SOX5: variants seen among roughly 807,000 people sequenced by gnomAD.
SOX5 encodes the protein transcription factor SOX-5.
In SOX5, 9 loss-of-function variants were observed where a neutral mutation model predicts 92.0. The ratio of observed to expected loss-of-function variants is 0.10; its 90% CI spans 0.06 to 0.17. SOX5 has a LOEUF of 0.17. SOX5 is among the 10% of genes least tolerant of loss of function. The pLI is 1.00. For missense variants in SOX5, 642 were observed against 944.5 expected (o/e 0.68, Z 4.20); for synonymous variants, 344 against 336.3 (o/e 1.02, Z -0.25).
At chr12:23,882,113 G>A (rs143233492) in intron 2 of SOX5, among the ~76,000 whole-genome samples, 1,833 of 152,190 alleles carry the variant, frequency 0.012, 113 homozygotes, top group Admixed American at 0.096. Flanking sequence ...AGTTTGAGAC[G>A]CAACATGTCA....
intron 8 of SOX5, among the ~76,000 whole-genome samples, chr12:23,605,913 T>G (rs1424361587): frequency 3.3e-5 from 5 of 152,054 alleles, no homozygotes; most frequent in African/African-American, 1.2e-4. Context: ...ATTTTTATAT[T>G]AATAATTGTC....
intron 11 of SOX5, among the ~76,000 whole-genome samples, chr12:23,546,748 C>G (rs987845419): frequency 2.0e-5 from 3 of 152,104 alleles, no homozygotes; most frequent in African/African-American, 7.2e-5. Context: ...ACCTGTTTTA[C>G]ATTTGGAATG....
intron 1 of SOX5, among the ~76,000 whole-genome samples, chr12:24,391,678 T>A (rs1959009975): frequency 6.6e-6 from 1 of 152,180 alleles, no homozygotes; most frequent in African/African-American, 2.4e-5. Flanking sequence ...GATGGCTCTA[T>A]TAAAAGAAGT....
intron 3 of SOX5, among the ~76,000 whole-genome samples, chr12:23,796,250 A>T (rs1410390638): frequency 6.6e-6 from 1 of 152,148 alleles, no homozygotes; most frequent in East Asian, 1.9e-4. Context: ...ATTGCAATGT[A>T]ACATTGAACA....
At chr12:24,487,921 T>C (rs7970266) in intron 1 of SOX5, among the ~76,000 whole-genome samples, 94,734 of 151,916 alleles carry the variant, frequency 0.62, 30,402 homozygotes, top group East Asian at 0.98. Context: ...TCAGTACGTT[T>C]CAAACCCAAG....
At position 24,383,377 on chromosome 12, in the gene SOX5, T is replaced by G. The variant is rs963423769; in HGVS notation, c.-250-14738A>C. On this transcript the variant is annotated intron_variant, in intron 1 of 4. Coordinates refer to the SOX5 transcript ENST00000446891. ...AAATCATAAGGAACTAAATTCACTGTCCACATATGTAGTTACATGGGTCCT... is the reference window on the plus strand; with the variant it reads ...AAATCATAAGGAACTAAATTCACTGGCCACATATGTAGTTACATGGGTCCT... 4.6e-5 allele frequency among the ~76,000 whole-genome samples: 7 copies of G among 152,240 alleles called. No individual in the cohort carries two copies. The East Asian group carries it at 1.2e-3, about 25-fold the overall frequency.
At chr12:23,646,892 C>A (rs1419892210) in intron 7 of SOX5, among the ~76,000 whole-genome samples, 1 of 152,050 alleles carries the variant, frequency 6.6e-6, no homozygotes, top group African/African-American at 2.4e-5. Flanking sequence ...CAAAGTCATC[C>A]AAGGGGGGTA....
At chr12:24,268,195 C>G (rs572289049) in intron 3 of SOX5, among the ~76,000 whole-genome samples, 9 of 152,062 alleles carry the variant, frequency 5.9e-5, no homozygotes, top group African/African-American at 2.2e-4. Flanking sequence ...CTTGAAACAC[C>G]CAGAAAATAA....
rs11831629 is a variant in SOX5 at position 23,755,751 on chromosome 12, A to G, written c.482-27T>C. 7,822 of 1,417,760 alleles carry G rather than the reference A, an allele frequency of 5.5e-3. 273 individuals carry two copies. In the African/African-American group the frequency reaches 0.092, roughly 17 times the overall value. 87.8% of individuals were successfully genotyped at this position (1,417,760 alleles called of 1,614,324 possible). On this transcript the variant is annotated intron_variant, in intron 3 of 14. Transcript: ENST00000451604. ...TAAGTAAAGAAAAAAAGAAGTGAGC[A>G]AATCAACATGACTCTCCTTACAATG...
At chr12:24,111,860 TTTAGG>T (rs1354046954) in intron 4 of SOX5, among the ~76,000 whole-genome samples, 51 of 152,320 alleles carry the variant, frequency 3.3e-4, no homozygotes, top group Non-Finnish European at 1.5e-5. Flanking sequence ...CTTTAATTAT[TTTAGG>T]TTAATTTATT....
intron 1 of SOX5, among the ~76,000 whole-genome samples, chr12:23,927,990 T>TTAC (rs1485516482): frequency 6.6e-6 from 1 of 152,012 alleles, no homozygotes; most frequent in Non-Finnish European, 1.5e-5. Flanking sequence ...CACTCTCCAG[T>TTAC]AGTAAGAGCA....
intron 1 of SOX5, among the ~76,000 whole-genome samples, chr12:24,417,508 C>T (rs1000304180): frequency 6.6e-6 from 1 of 152,076 alleles, no homozygotes; most frequent in Non-Finnish European, 1.5e-5. Flanking sequence ...AGGGTCTCTA[C>T]CTTAAAAAAG....
intron 4 of SOX5, among the ~76,000 whole-genome samples, chr12:24,199,257 G>C (rs1297878774): frequency 6.6e-6 from 1 of 152,160 alleles, no homozygotes; most frequent in Admixed American, 6.5e-5. Flanking sequence ...AGATAGGTGA[G>C]GGCTGGAAAG....
intron 3 of SOX5, among the ~76,000 whole-genome samples, chr12:24,263,802 T>C (rs528647848): frequency 1.7e-4 from 26 of 152,278 alleles, no homozygotes; most frequent in Non-Finnish European, 3.1e-4. Flanking sequence ...AGGGGTACTG[T>C]TTCAAACTGG....
chr12:24,128,085 AG>A (rs1468159546), intron 4 of SOX5, among the ~76,000 whole-genome samples: 1 of 152,104 alleles, frequency 6.6e-6, no homozygotes, highest in Non-Finnish European at 1.5e-5. Flanking sequence ...ACTTCACTGG[AG>A]GGTTTATTGT....
chr12:24,107,236 AGTATCTTTGG>A (rs1456044593), intron 4 of SOX5, among the ~76,000 whole-genome samples: 6 of 152,134 alleles, frequency 3.9e-5, no homozygotes, highest in Non-Finnish European at 8.8e-5. Context: ...CCAAAATGTG[AGTATCTTTGG>A]GGCAGCCACT....
intron 2 of SOX5, among the ~76,000 whole-genome samples, chr12:23,854,927 T>C (rs1160984830): frequency 6.6e-5 from 10 of 152,142 alleles, no homozygotes; most frequent in Admixed American, 6.6e-4. Flanking sequence ...TAATATGTGT[T>C]ATGAGCTATA....
chr12:23,740,558 C>G (rs573385208), intron 5 of SOX5, among the ~76,000 whole-genome samples: 1 of 152,242 alleles, frequency 6.6e-6, no homozygotes, highest in South Asian at 2.1e-4. Flanking sequence ...CAAAATGCTT[C>G]TTGTTGAAAA....
chr12:24,216,061 G>T (rs905608835), intron 3 of SOX5, among the ~76,000 whole-genome samples: 2 of 152,218 alleles, frequency 1.3e-5, no homozygotes, highest in African/African-American at 4.8e-5. Flanking sequence ...CTTTGTCCCT[G>T]GTTCCTGGCA....
Sources: gnomAD v4.1 joint callset for allele counts (sites outside exome capture counted in the v4.1 genomes callset) on GRCh38, gnomAD v4.1.1 for gene constraint, MANE v1.5 for transcripts, NCBI Gene and HGNC (gene_info 2026-07-23, HGNC 2026-07-21) for gene names.